Variants in EYS observed in about 807,000 individuals in gnomAD.
The protein encoded by EYS is protein eyes shut homolog.
In EYS, 250 loss-of-function variants were observed where a neutral mutation model predicts 282.1. That is an observed-to-expected ratio of 0.89 (90% confidence interval 0.80 to 0.98). EYS has a LOEUF of 0.98. EYS is among the 50% of genes least tolerant of loss of function. EYS has a pLI of 0.00. For missense variants in EYS, 4,016 were observed against 3,709.0 expected (o/e 1.08, Z -2.15); for synonymous variants, 1,355 against 1,282.9 (o/e 1.06, Z -1.20).
chr6:64,189,684 C>A (rs1306945708), intron 31 of EYS, among the ~76,000 whole-genome samples: 2 of 152,050 alleles, frequency 1.3e-5, no homozygotes, highest in African/African-American at 2.4e-5. Flanking sequence ...ATAAGAAAAG[C>A]TGAGGTTTTC....
chr6:65,104,628 A>C (rs1470264551), intron 12 of EYS, among the ~76,000 whole-genome samples: 1 of 151,326 alleles, frequency 6.6e-6, no homozygotes, highest in Non-Finnish European at 1.5e-5. Context: ...TTATCAACTC[A>C]CTTCATGTTT....
chr6:63,864,710 A>G (rs1174709483), intron 35 of EYS, among the ~76,000 whole-genome samples: 1 of 152,312 alleles, frequency 6.6e-6, no homozygotes, highest in South Asian at 2.1e-4. Flanking sequence ...TCAAATGTCT[A>G]TTAGCAAAAA....
At chr6:64,877,934 T>C (rs1766799714) in intron 19 of EYS, among the ~76,000 whole-genome samples, 1 of 152,130 alleles carries the variant, frequency 6.6e-6, no homozygotes, top group African/African-American at 2.4e-5. Context: ...GGATAAACTT[T>C]CCTTAACAAT....
intron 5 of EYS, among the ~76,000 whole-genome samples, chr6:65,473,491 C>T (rs540771573): frequency 6.6e-6 from 1 of 151,934 alleles, no homozygotes; most frequent in South Asian, 2.1e-4. Context: ...GGGATTTCCA[C>T]CAACTGTGGT....
At chr6:63,939,061 AT>A (rs1213564059) in intron 35 of EYS, among the ~76,000 whole-genome samples, 3 of 152,170 alleles carry the variant, frequency 2.0e-5, no homozygotes, top group Admixed American at 6.5e-5. Context: ...AGCTCCATGA[AT>A]TGGAACAGAG....
intron 22 of EYS, among the ~76,000 whole-genome samples, chr6:64,776,653 T>A (rs1480721735): frequency 2.0e-5 from 3 of 152,240 alleles, no homozygotes; most frequent in Admixed American, 6.6e-5. Flanking sequence ...GCTCATCACA[T>A]GTCTCATCAT....
intron 2 of EYS, among the ~76,000 whole-genome samples, chr6:65,583,762 T>C (rs1764946090): frequency 2.0e-5 from 3 of 152,060 alleles, no homozygotes; most frequent in Non-Finnish European, 4.4e-5. Context: ...AATAATGAAG[T>C]TATTTGTTTT....
rs76794061 is a variant in EYS at position 63,969,923 on chromosome 6, G to A, written c.7055+14460C>T. ...TTTTCTCAGTCATGAGGACACTCAT[G>A]GGGTGAGAGCAGAACTTCACAGGCA... On this transcript the variant is annotated intron_variant, in intron 35 of 42. Coordinates refer to ENST00000503581, the MANE Select transcript of EYS (RefSeq NM_001142800.2). 7.0e-3 allele frequency among the ~76,000 whole-genome samples: 1,067 copies of A among 152,300 alleles called. 15 individuals carry two copies. The highest frequency in any genetic ancestry group is 0.031 in the East Asian group (161 of 5,172).
intron 5 of EYS, among the ~76,000 whole-genome samples, chr6:65,438,809 G>C (rs1047406288): frequency 3.9e-5 from 6 of 152,056 alleles, no homozygotes; most frequent in Non-Finnish European, 8.8e-5. Flanking sequence ...TAGGTTGCCT[G>C]TTCACTCTGA....
In EYS at chr6:65,555,094, C is replaced by T. The variant is rs78908285; in HGVS notation, c.-332-59101G>A. On this transcript the variant is annotated intron_variant, in intron 2 of 42. Coordinates refer to ENST00000503581, the MANE Select transcript of EYS (RefSeq NM_001142800.2). ...CAAAGCAAATTTCAGAGCACAAACCCAAGATGATCATCAGGCTATAGAATG... is the reference window on the plus strand; with the variant it reads ...CAAAGCAAATTTCAGAGCACAAACCTAAGATGATCATCAGGCTATAGAATG... Among the ~76,000 whole-genome samples, 832 of 151,882 alleles carry T rather than the reference C, an allele frequency of 5.5e-3. 21 individuals are homozygous for T. The highest frequency in any genetic ancestry group is 0.045 in the East Asian group (230 of 5,166).
At chr6:65,200,021 G>T (rs1223229411) in intron 12 of EYS, among the ~76,000 whole-genome samples, 1 of 152,148 alleles carries the variant, frequency 6.6e-6, no homozygotes, top group Non-Finnish European at 1.5e-5. Context: ...ATATGATGAA[G>T]TAAAGGACAA....
chr6:65,098,940 G>A (rs1477106428), intron 12 of EYS, among the ~76,000 whole-genome samples: 1 of 150,658 alleles, frequency 6.6e-6, no homozygotes, highest in Non-Finnish European at 1.5e-5. Flanking sequence ...AAGAATAGCA[G>A]AGTACATATT....
chr6:64,513,023 A>C (rs972106428), intron 26 of EYS, among the ~76,000 whole-genome samples: 5 of 151,880 alleles, frequency 3.3e-5, no homozygotes, highest in African/African-American at 1.2e-4. Flanking sequence ...AAAAAAAAAG[A>C]AACTTAAGTA....
At chr6:64,721,188 T>C (rs1771566872) in intron 22 of EYS, among the ~76,000 whole-genome samples, 3 of 152,084 alleles carry the variant, frequency 2.0e-5, no homozygotes, top group South Asian at 2.1e-4. Flanking sequence ...CACAATTCAA[T>C]AAGATAGCTG....
chr6:64,568,556 C>G (rs1232466969), intron 26 of EYS, among the ~76,000 whole-genome samples: 1 of 152,194 alleles, frequency 6.6e-6, no homozygotes, highest in Non-Finnish European at 1.5e-5. Context: ...TGGGCAGCTT[C>G]AGCAGACTTA....
chr6:63,778,982 C>T (rs572419295), intron 39 of EYS, among the ~76,000 whole-genome samples: 3 of 151,378 alleles, frequency 2.0e-5, no homozygotes, highest in African/African-American at 7.3e-5. Context: ...AAGAGAGTCT[C>T]CTTATATAAT....
chr6:65,487,687 A>G (rs1765862886), intron 5 of EYS, among the ~76,000 whole-genome samples: 1 of 152,172 alleles, frequency 6.6e-6, no homozygotes, highest in Non-Finnish European at 1.5e-5. Context: ...TGCTGGCCTC[A>G]TAAAATGAGT....
intron 22 of EYS, among the ~76,000 whole-genome samples, chr6:64,761,182 A>G (rs1221972151): frequency 6.6e-6 from 1 of 152,204 alleles, no homozygotes; most frequent in Non-Finnish European, 1.5e-5. Flanking sequence ...CTCAAGGCTC[A>G]GGAGAGATTT....
At chr6:63,820,916 G>A (rs1250679660) in intron 36 of EYS, among the ~76,000 whole-genome samples, 4 of 151,968 alleles carry the variant, frequency 2.6e-5, no homozygotes, top group African/African-American at 9.7e-5. Flanking sequence ...TTTTCACTAG[G>A]TATTGGTGGG....
Sources: allele counts gnomAD v4.1 joint callset (sites outside exome capture counted in the v4.1 genomes callset), GRCh38; gene constraint gnomAD v4.1.1; transcripts MANE v1.5; gene names NCBI Gene and HGNC (gene_info 2026-07-23, HGNC 2026-07-21).